The following CNTN4 variants were observed in gnomAD, a reference collection of about 807,000 sequenced individuals.
The protein encoded by CNTN4 is contactin 4, also known as contactin-4.
Under a neutral mutation model 122.5 loss-of-function variants are expected in CNTN4, and 77 were observed. The observed-to-expected ratio is 0.63, with a 90% CI of 0.52 to 0.76. The LOEUF is 0.76. Among genes scored for constraint, CNTN4 ranks in the 30% least tolerant of loss-of-function variants. The probability of loss-of-function intolerance (pLI) is 0.00; values close to 1 mark genes in which losing one functional copy is unlikely to be tolerated. For missense variants in CNTN4, 1,256 were observed against 1,259.1 expected (o/e 1.00, Z 0.04); for synonymous variants, 512 against 447.0 (o/e 1.15, Z -1.83).
At chr3:2,164,472 A>G (rs2036109878) in intron 2 of CNTN4, among the ~76,000 whole-genome samples, 1 of 152,212 alleles carries the variant, frequency 6.6e-6, no homozygotes, top group South Asian at 2.1e-4. Context: ...CTAACAGATT[A>G]CCATTTCCTC....
intron 3 of CNTN4, among the ~76,000 whole-genome samples, chr3:2,452,428 T>G (rs1041868030): frequency 3.3e-5 from 5 of 152,120 alleles, no homozygotes; most frequent in Admixed American, 3.3e-4. Flanking sequence ...TCTGGTGGCT[T>G]TAGAGAGAGA....
intron 6 of CNTN4, among the ~76,000 whole-genome samples, chr3:2,768,718 C>A (rs2149749480): frequency 6.6e-6 from 1 of 152,336 alleles, no homozygotes; most frequent in South Asian, 2.1e-4. Flanking sequence ...TCCAAGCCAG[C>A]ACTTTATGCC....
At chr3:2,356,998 A>G (rs966419684) in intron 3 of CNTN4, among the ~76,000 whole-genome samples, 14 of 152,214 alleles carry the variant, frequency 9.2e-5, no homozygotes, top group African/African-American at 3.1e-4. Context: ...TGCAGATTAG[A>G]TGGTATGGTG....
intron 6 of CNTN4, among the ~76,000 whole-genome samples, chr3:2,817,580 A>C (rs539570945): frequency 9.8e-5 from 15 of 152,366 alleles, no homozygotes; most frequent in African/African-American, 2.2e-4. Context: ...CTCAGGAAGG[A>C]TAGTTAAAAA....
chr3:2,435,172 A>G (rs542208638), intron 3 of CNTN4, among the ~76,000 whole-genome samples: 4 of 152,316 alleles, frequency 2.6e-5, no homozygotes, highest in South Asian at 2.1e-4. Flanking sequence ...CCAATTAATT[A>G]CCAATTCATA....
intron 2 of CNTN4, among the ~76,000 whole-genome samples, chr3:2,249,999 T>G (rs557628191): frequency 6.6e-6 from 1 of 151,900 alleles, no homozygotes; most frequent in South Asian, 2.1e-4. Flanking sequence ...ATAAGAAAGC[T>G]CTTAGAATTT....
At position 2,780,637 on chromosome 3, in the gene CNTN4, G is replaced by A. The variant is rs78455911; in HGVS notation, c.358+34940G>A. On this transcript the variant is annotated intron_variant, in intron 6 of 24. Coordinates refer to ENST00000418658, the MANE Select transcript of CNTN4 (RefSeq NM_175607.3). ...GATCTTACATGTAATATGCAATCAC[G>A]CTAGCCTACCTCACTCATCTAACTT... is the stretch of plus-strand genomic sequence containing the variant. Among the ~76,000 whole-genome samples, 1,051 of 152,172 alleles carry A rather than the reference G, an allele frequency of 6.9e-3. 5 individuals are homozygous for A. The highest frequency in any genetic ancestry group is 0.023 in the African/African-American group (967 of 41,522).
rs548398209 is a variant in CNTN4 at position 2,554,100 on chromosome 3, T to A, written c.-88-17316T>A. Among the ~76,000 whole-genome samples the A allele has an allele frequency of 3.3e-5, 5 of 152,312 alleles. No homozygotes were observed. The East Asian group carries it at 7.7e-4, about 24-fold the overall frequency. On this transcript the variant is annotated intron_variant, in intron 3 of 24. Transcript: ENST00000418658. ...CAGCTTTACTCCTGTCTGGCCAAAA[T>A]TAATCTTTATAATGAAGTACCTTAG...
chr3:2,824,435 C>T (rs534171617), intron 7 of CNTN4, among the ~76,000 whole-genome samples: 2 of 150,918 alleles, frequency 1.3e-5, no homozygotes, highest in Admixed American at 6.6e-5. Context: ...CCAGCCTGGG[C>T]GACAGAGCGA....
Position 2,152,293 on chromosome 3 carries a change from G to A in CNTN4, c.-145+51654G>A, listed in dbSNP as rs529291957. Among the ~76,000 whole-genome samples, 11 of 152,306 alleles carry A rather than the reference G, an allele frequency of 7.2e-5. No homozygotes were observed. In the South Asian group the frequency reaches 2.3e-3, roughly 32 times the overall value. Reference sequence around the variant, plus strand: ...GGAACAGAGTGAGTGAGATGAGTGAGGCGGAGAAGAGGTTAGAGAAGTGAT... The same window carrying A: ...GGAACAGAGTGAGTGAGATGAGTGAAGCGGAGAAGAGGTTAGAGAAGTGAT... On this transcript the variant is annotated intron_variant, in intron 2 of 24. Transcript: ENST00000418658.
chr3:2,927,252 A>G (rs1248504492), intron 13 of CNTN4: 1 of 452,128 alleles, frequency 2.2e-6, no homozygotes, highest in Admixed American at 2.4e-5. Flanking sequence ...AGCAACCCTG[A>G]GTTCTGGCTT....
At chr3:2,492,143 C>G (rs905143241) in intron 3 of CNTN4, among the ~76,000 whole-genome samples, 8 of 152,154 alleles carry the variant, frequency 5.3e-5, no homozygotes, top group Admixed American at 2.6e-4. Context: ...GAAATGTTGC[C>G]TCCTGCGTTT....
intron 3 of CNTN4, among the ~76,000 whole-genome samples, chr3:2,548,679 G>A (rs1327960283): frequency 6.6e-6 from 1 of 152,070 alleles, no homozygotes; most frequent in Non-Finnish European, 1.5e-5. Flanking sequence ...GGTTCCATAT[G>A]AAATTTGAAG....
chr3:2,130,374 CTA>C (rs1044462233), intron 2 of CNTN4, among the ~76,000 whole-genome samples: 15 of 152,246 alleles, frequency 9.9e-5, no homozygotes, highest in African/African-American at 3.6e-4. Flanking sequence ...ATCTGATTCA[CTA>C]TGAGTAAGAG....
At chr3:2,529,753 G>C (rs546625829) in intron 3 of CNTN4, among the ~76,000 whole-genome samples, 9 of 152,138 alleles carry the variant, frequency 5.9e-5, no homozygotes, top group African/African-American at 2.2e-4. Flanking sequence ...GAGTAACTTG[G>C]TAATGGTGAC....
chr3:2,458,625 AT>A (rs36109164), intron 3 of CNTN4, among the ~76,000 whole-genome samples: 5,031 of 151,586 alleles, frequency 0.033, 274 homozygotes, highest in African/African-American at 0.11. Flanking sequence ...AGAATGTGCG[AT>A]TTTTTTTTCC....
intron 14 of CNTN4, 129 bp downstream of exon 14, chr3:2,988,601 C>A: frequency 2.1e-6 from 2 of 932,672 alleles, no homozygotes; most frequent in Non-Finnish European, 3.4e-6. Flanking sequence ...TAATTCATCA[C>A]GGCAAACATG....
At chr3:3,052,801 A>G (rs1285365728) in intron 23 of CNTN4, among the ~76,000 whole-genome samples, 1 of 152,148 alleles carries the variant, frequency 6.6e-6, no homozygotes, top group Non-Finnish European at 1.5e-5. Context: ...CTAGCCCCAT[A>G]AAGTGGGGTT....
chr3:2,160,389 C>G (rs2035907741), intron 2 of CNTN4, among the ~76,000 whole-genome samples: 1 of 152,134 alleles, frequency 6.6e-6, no homozygotes, highest in Non-Finnish European at 1.5e-5. Flanking sequence ...GATCCAGAGT[C>G]AGACAAAACT....
Sources: allele counts gnomAD v4.1 joint callset (sites outside exome capture counted in the v4.1 genomes callset), GRCh38; gene constraint gnomAD v4.1.1; transcripts MANE v1.5; gene names NCBI Gene and HGNC (gene_info 2026-07-23, HGNC 2026-07-21).